The following BCAR3 variants were observed in gnomAD, a reference collection of about 807,000 sequenced individuals.
The protein encoded by BCAR3 is BCAR3 adaptor protein, NSP family member, also known as breast cancer anti-estrogen resistance protein 3.
In BCAR3, 37 loss-of-function variants were observed where a neutral mutation model predicts 80.1. The observed-to-expected ratio is 0.46, with a 90% CI of 0.36 to 0.61. BCAR3 has a LOEUF of 0.61. Ranked by LOEUF, BCAR3 falls within the 20% of genes least tolerant of loss-of-function variation. The pLI, the probability that BCAR3 is intolerant of heterozygous loss-of-function variation, is 0.00. For missense variants in BCAR3, 978 were observed against 1,068.2 expected (o/e 0.92, Z 1.18); for synonymous variants, 389 against 418.9 (o/e 0.93, Z 0.87).
intron 2 of BCAR3, among the ~76,000 whole-genome samples, chr1:93,724,616 C>G (rs981466666): frequency 3.9e-4 from 60 of 152,210 alleles, no homozygotes; most frequent in Non-Finnish European, 5.1e-4. Context: ...TCTGAGCTAC[C>G]TGGCTCCCCT....
intron 3 of BCAR3, among the ~76,000 whole-genome samples, chr1:93,612,923 G>T (rs1399603602): frequency 6.6e-6 from 1 of 152,074 alleles, no homozygotes; most frequent in African/African-American, 2.4e-5. Context: ...AAACAAAAAG[G>T]TTTTCTCCCA....
intron 3 of BCAR3, among the ~76,000 whole-genome samples, chr1:93,703,986 A>C (rs1028223114): frequency 6.6e-6 from 1 of 152,256 alleles, no homozygotes; most frequent in African/African-American, 2.4e-5. Flanking sequence ...GAAATTAAAC[A>C]TTCAGTTATT....
intron 2 of BCAR3, among the ~76,000 whole-genome samples, chr1:93,673,502 A>G (rs1268459199): frequency 6.6e-6 from 1 of 152,240 alleles, no homozygotes; most frequent in Non-Finnish European, 1.5e-5. Context: ...GCTAGGATCC[A>G]AGTGGCTTTG....
chr1:93,838,439 T>C (rs1654844547), intron 2 of BCAR3, among the ~76,000 whole-genome samples: 1 of 152,096 alleles, frequency 6.6e-6, no homozygotes, highest in African/African-American at 2.4e-5. Flanking sequence ...CACGAAGCCA[T>C]TCATAAAGGA....
chr1:93,670,452 T>C (rs1476143042), intron 2 of BCAR3, among the ~76,000 whole-genome samples: 1 of 152,184 alleles, frequency 6.6e-6, no homozygotes, highest in African/African-American at 2.4e-5. Flanking sequence ...AAGCACTGAA[T>C]ACAAGCAGGG....
chr1:93,777,272 C>A (rs79429611), intron 2 of BCAR3, among the ~76,000 whole-genome samples: 17,362 of 151,248 alleles, frequency 0.11, 1,464 homozygotes, highest in African/African-American at 0.22. Flanking sequence ...TTATGGCAGC[C>A]ATAGGAAACT....
At chr1:93,688,216 T>C (rs1255422826) in intron 3 of BCAR3, among the ~76,000 whole-genome samples, 5 of 152,192 alleles carry the variant, frequency 3.3e-5, no homozygotes, top group African/African-American at 9.7e-5. Context: ...GACTATGGCT[T>C]ACTAAACCTC....
intron 2 of BCAR3, among the ~76,000 whole-genome samples, chr1:93,816,073 T>C (rs773291084): frequency 2.6e-5 from 4 of 152,188 alleles, no homozygotes; most frequent in African/African-American, 4.8e-5. Context: ...AAAGGCCAGC[T>C]GCTAGTTGGA....
intron 3 of BCAR3, among the ~76,000 whole-genome samples, chr1:93,610,199 T>C (rs1484983109): frequency 1.3e-5 from 2 of 152,234 alleles, no homozygotes; most frequent in Admixed American, 6.5e-5. Flanking sequence ...CAAATACTTA[T>C]TAACCCCTGG....
chr1:93,731,533 T>C (rs1036950176), intron 2 of BCAR3, among the ~76,000 whole-genome samples: 1 of 152,044 alleles, frequency 6.6e-6, no homozygotes, highest in African/African-American at 2.4e-5. Context: ...TCTGAGAGGC[T>C]GGAAAGGAAG....
chr1:93,802,202 C>G (rs1220535967), intron 2 of BCAR3, among the ~76,000 whole-genome samples: 2 of 151,160 alleles, frequency 1.3e-5, no homozygotes, highest in African/African-American at 2.4e-5. Context: ...CCCAGGTACT[C>G]AAGAGGCTGA....
At chr1:93,571,178 T>C (rs1056127402) in intron 9 of BCAR3, among the ~76,000 whole-genome samples, 1 of 147,720 alleles carries the variant, frequency 6.8e-6, no homozygotes, top group Non-Finnish European at 1.5e-5. Context: ...TACTGCAGCC[T>C]GGACAACAGA....
chr1:93,776,054 A>T (rs1272249891), intron 2 of BCAR3, among the ~76,000 whole-genome samples: 2 of 152,176 alleles, frequency 1.3e-5, no homozygotes, highest in Non-Finnish European at 2.9e-5. Flanking sequence ...TCCATCAGCA[A>T]TCAAGCTGCA....
chr1:93,717,753 G>T (rs1650241295), intron 2 of BCAR3, among the ~76,000 whole-genome samples: 1 of 151,346 alleles, frequency 6.6e-6, no homozygotes, highest in African/African-American at 2.4e-5. Context: ...GGAGATAAGA[G>T]AACTGTGCGC....
At chr1:93,631,953 A>C (rs1675632523) in intron 3 of BCAR3, among the ~76,000 whole-genome samples, 1 of 152,138 alleles carries the variant, frequency 6.6e-6, no homozygotes, top group Non-Finnish European at 1.5e-5. Context: ...GTCTGGCCTG[A>C]GGAGTTATCC....
chr1:93,563,500 G>A (rs1672790120), intron 11 of BCAR3, among the ~76,000 whole-genome samples: 1 of 152,148 alleles, frequency 6.6e-6, no homozygotes, highest in Non-Finnish European at 1.5e-5. Flanking sequence ...GAACACTTGT[G>A]TACAAATCTT....
chr1:93,836,620 C>G (rs1654777242), intron 2 of BCAR3, among the ~76,000 whole-genome samples: 1 of 152,044 alleles, frequency 6.6e-6, no homozygotes, highest in Non-Finnish European at 1.5e-5. Context: ...AAAATTTTCA[C>G]CGCCCCAACA....
chr1:93,607,701 A>G (rs1016550257), intron 3 of BCAR3, among the ~76,000 whole-genome samples: 1 of 151,682 alleles, frequency 6.6e-6, no homozygotes, highest in African/African-American at 2.4e-5. Flanking sequence ...AAGCTCCCGT[A>G]TAGGAAGCTC....
intron 2 of BCAR3, among the ~76,000 whole-genome samples, chr1:93,820,113 G>A (rs1654162039): frequency 6.6e-6 from 1 of 152,176 alleles, no homozygotes; most frequent in Non-Finnish European, 1.5e-5. Flanking sequence ...CACAGTTAAA[G>A]ATGCTACTCA....
Sources: allele counts gnomAD v4.1 joint callset (sites outside exome capture counted in the v4.1 genomes callset), GRCh38; gene constraint gnomAD v4.1.1; transcripts MANE v1.5; gene names NCBI Gene and HGNC (gene_info 2026-07-23, HGNC 2026-07-21).